Variants in GPC5 observed in about 807,000 individuals in gnomAD.
The protein encoded by GPC5 is glypican-5.
A neutral mutation model predicts 53.9 loss-of-function variants in GPC5; 47 were observed. The observed-to-expected ratio is 0.87, with a 90% confidence interval of 0.69 to 1.11. The LOEUF is 1.11. Among genes scored for constraint, GPC5 ranks in the 50% most tolerant of loss-of-function variants. The pLI, the probability that GPC5 is intolerant of heterozygous loss-of-function variation, is 0.00. For synonymous variants in GPC5, 286 were observed against 263.3 expected, an observed-to-expected ratio of 1.09 and a Z score of -0.84; for missense variants, 748 against 713.1, an observed-to-expected ratio of 1.05 and a Z score of -0.56.
At chr13:92,074,230 A>T (rs2138870041) in intron 6 of GPC5, among the ~76,000 whole-genome samples, 1 of 152,320 alleles carries the variant, frequency 6.6e-6, no homozygotes, top group East Asian at 1.9e-4. Flanking sequence ...TATGTAAACA[A>T]TGGGGTAAGA....
rs113779795 is a variant in GPC5 at position 92,822,832 on chromosome 13, T to G, written c.1562-43450T>G. On this transcript the variant is annotated intron_variant, in intron 7 of 7. Transcript: ENST00000377067. ...CAAAATTTTGAAAGCAATGTAAAACTCTTACGGATCTTGTCTTGGGTTTTG... is the reference window on the plus strand; with the variant it reads ...CAAAATTTTGAAAGCAATGTAAAACGCTTACGGATCTTGTCTTGGGTTTTG... 2.6e-5 allele frequency among the ~76,000 whole-genome samples: 4 copies of G among 152,260 alleles called. 1 individual carries two copies. Among genetic ancestry groups the G allele is most frequent in the African/African-American group, 9.6e-5 (4 of 41,552 alleles).
At chr13:92,111,986 A>G (rs546779492) in intron 6 of GPC5, among the ~76,000 whole-genome samples, 11 of 152,236 alleles carry the variant, frequency 7.2e-5, no homozygotes, top group Non-Finnish European at 1.3e-4. Context: ...TCATGATTAG[A>G]TGGATAAGAA....
chr13:91,561,405 G>T (rs1210445194), intron 2 of GPC5, among the ~76,000 whole-genome samples: 1 of 152,042 alleles, frequency 6.6e-6, no homozygotes, highest in Non-Finnish European at 1.5e-5. Context: ...CATTATCAAA[G>T]ACTTGAAAAA....
chr13:92,016,174 T>G (rs1414118432), intron 6 of GPC5, among the ~76,000 whole-genome samples: 1 of 152,200 alleles, frequency 6.6e-6, no homozygotes, highest in Non-Finnish European at 1.5e-5. Flanking sequence ...GCTATGGAAC[T>G]TGAAGTACAG....
chr13:92,640,750 C>T (rs1253902863), intron 7 of GPC5, among the ~76,000 whole-genome samples: 1 of 151,922 alleles, frequency 6.6e-6, no homozygotes, highest in Non-Finnish European at 1.5e-5. Flanking sequence ...TGAAGGGGTT[C>T]CCACTGACCA....
intron 7 of GPC5, among the ~76,000 whole-genome samples, chr13:92,358,915 C>G (rs1189022248): frequency 6.6e-6 from 1 of 150,882 alleles, no homozygotes; most frequent in South Asian, 2.1e-4. Flanking sequence ...ATTTTTTTTT[C>G]ATTGTCTTGG....
intron 6 of GPC5, among the ~76,000 whole-genome samples, chr13:91,977,692 A>G (rs1236779446): frequency 6.6e-6 from 1 of 152,200 alleles, no homozygotes; most frequent in Non-Finnish European, 1.5e-5. Flanking sequence ...TTCCCCCATA[A>G]AAGTGGTCAT....
chr13:92,717,145 A>G (rs1342673036), intron 7 of GPC5, among the ~76,000 whole-genome samples: 1 of 152,038 alleles, frequency 6.6e-6, no homozygotes, highest in Non-Finnish European at 1.5e-5. Flanking sequence ...CCAAAATATT[A>G]TTACATTCAT....
At chr13:91,966,090 G>T (rs916772805) in intron 6 of GPC5, among the ~76,000 whole-genome samples, 1 of 152,066 alleles carries the variant, frequency 6.6e-6, no homozygotes, top group African/African-American at 2.4e-5. Context: ...ACAACTAAAA[G>T]GTAAATTCCT....
chr13:91,697,695 A>G (rs1050414900), intron 3 of GPC5, among the ~76,000 whole-genome samples: 2 of 152,054 alleles, frequency 1.3e-5, no homozygotes, highest in South Asian at 4.1e-4. Flanking sequence ...GTAAATAAAT[A>G]CTTCATATTT....
intron 7 of GPC5, among the ~76,000 whole-genome samples, chr13:92,710,875 ATG>A (rs1888113225): frequency 1.3e-5 from 2 of 152,246 alleles, no homozygotes; most frequent in African/African-American, 4.8e-5. Context: ...TTATGTGACA[ATG>A]ATGAATTTGT....
intron 2 of GPC5, among the ~76,000 whole-genome samples, chr13:91,565,483 C>G (rs763116140): frequency 4.6e-5 from 7 of 152,220 alleles, no homozygotes; most frequent in Non-Finnish European, 7.4e-5. Context: ...TGGCCCAGAA[C>G]AAAAGGCAGT....
rs1877793892 is a variant in GPC5, at chr13:92,824,976, A to G, written c.1562-41306A>G. Reference sequence around the variant, plus strand: ...AATCCATTCTTGTCCAAGGTGAAATAAAACTTTTAAAAATTTTTCTTTCTT... The same window carrying G: ...AATCCATTCTTGTCCAAGGTGAAATGAAACTTTTAAAAATTTTTCTTTCTT... On this transcript the variant is annotated intron_variant, in intron 7 of 7. Coordinates refer to ENST00000377067, the MANE Select transcript of GPC5 (RefSeq NM_004466.6). Among the ~76,000 whole-genome samples, 3 of 152,166 alleles carry G rather than the reference A, an allele frequency of 2.0e-5. No individual in the cohort carries two copies. The South Asian group carries it at 6.2e-4, about 31-fold the overall frequency.
At chr13:92,408,745 T>A (rs1489915775) in intron 7 of GPC5, among the ~76,000 whole-genome samples, 1 of 152,126 alleles carries the variant, frequency 6.6e-6, no homozygotes, top group East Asian at 1.9e-4. Context: ...AAAGTTTTTT[T>A]ATGAAATATG....
At chr13:92,292,718 G>T (rs1232095072) in intron 7 of GPC5, among the ~76,000 whole-genome samples, 10 of 152,038 alleles carry the variant, frequency 6.6e-5, no homozygotes, top group African/African-American at 2.4e-4. Context: ...TTGCTTTTGG[G>T]TTCTTGGTCA....
intron 7 of GPC5, among the ~76,000 whole-genome samples, chr13:92,650,840 G>A (rs556569984): frequency 3.3e-5 from 5 of 152,024 alleles, no homozygotes; most frequent in East Asian, 3.9e-4. Flanking sequence ...TGTGCAGAAC[G>A]TGGAGGTTTG....
chr13:92,848,305 G>A (rs1402490412), intron 7 of GPC5, among the ~76,000 whole-genome samples: 2 of 152,062 alleles, frequency 1.3e-5, no homozygotes, highest in Non-Finnish European at 2.9e-5. Flanking sequence ...ATTTTCTATG[G>A]TTTCTAGAGC....
At chr13:92,250,596 A>C (rs2042685643) in intron 7 of GPC5, among the ~76,000 whole-genome samples, 1 of 152,132 alleles carries the variant, frequency 6.6e-6, no homozygotes, top group African/African-American at 2.4e-5. Context: ...CTCATCAGGA[A>C]TAGCTTGCTT....
rs1001901973 is a variant in GPC5 at position 92,204,860 on chromosome 13, G to T, written c.1561+59871G>T. On this transcript the variant is annotated intron_variant, in intron 7 of 7. Coordinates refer to ENST00000377067, the MANE Select transcript of GPC5 (RefSeq NM_004466.6). ...AGCATTGAGACCTAGAGGTTTTTTT[G>T]TTTGTTTTTTGGTTTTTGTTTGTTG... Among the ~76,000 whole-genome samples, 7 of 151,894 alleles carry T rather than the reference G, an allele frequency of 4.6e-5. No individual in the cohort carries two copies. In the East Asian group the frequency reaches 7.7e-4, roughly 17 times the overall value.
Sources: gnomAD v4.1 joint callset for allele counts (sites outside exome capture counted in the v4.1 genomes callset) on GRCh38, gnomAD v4.1.1 for gene constraint, MANE v1.5 for transcripts, NCBI Gene and HGNC (gene_info 2026-07-23, HGNC 2026-07-21) for gene names.